HACD2: variants seen among roughly 807,000 people sequenced by gnomAD.
HACD2 encodes the protein very-long-chain (3R)-3-hydroxyacyl-CoA dehydratase 2.
HACD2 carries 15 observed loss-of-function variants against 31.0 expected under a neutral mutation model. That is an observed-to-expected ratio of 0.48 (90% CI 0.32 to 0.75). HACD2 has a LOEUF of 0.75. Ranked by LOEUF, HACD2 falls within the 30% of genes least tolerant of loss-of-function variation. The probability of loss-of-function intolerance (pLI) is 0.03; values close to 1 mark genes in which losing one functional copy is unlikely to be tolerated. For missense variants in HACD2, 283 were observed against 313.0 expected (o/e 0.90, Z 0.72); for synonymous variants, 115 against 122.2 (o/e 0.94, Z 0.39).
At chr3:123,557,798 T>C (rs756642825) in intron 3 of HACD2, among the ~76,000 whole-genome samples, 4 of 152,230 alleles carry the variant, frequency 2.6e-5, no homozygotes, top group African/African-American at 4.8e-5. Context: ...GCAGAGGATG[T>C]GGAATAAGAA....
At chr3:123,584,406 C>T (rs1413673897) in intron 1 of HACD2, 1 of 153,994 alleles carries the variant, frequency 6.5e-6, no homozygotes, top group Non-Finnish European at 1.4e-5. Context: ...CAATACCTTT[C>T]AGATTAAAGC....
intron 2 of HACD2, among the ~76,000 whole-genome samples, chr3:123,577,489 C>T (rs904089559): frequency 1.7e-4 from 26 of 151,852 alleles, no homozygotes; most frequent in African/African-American, 5.8e-4. Context: ...GGTGTGGTGG[C>T]GGGCGCCTGT....
chr3:123,569,194 A>G (rs2056826547), intron 2 of HACD2, among the ~76,000 whole-genome samples: 1 of 152,226 alleles, frequency 6.6e-6, no homozygotes, highest in African/African-American at 2.4e-5. Context: ...CAAATCTTAC[A>G]GTCTTTTTCA....
At chr3:123,507,815 T>C (rs2055997165) in intron 4 of HACD2, among the ~76,000 whole-genome samples, 1 of 152,180 alleles carries the variant, frequency 6.6e-6, no homozygotes, top group South Asian at 2.1e-4. Context: ...ATGGTGATGG[T>C]TGCACAGCTT....
intron 3 of HACD2, chr3:123,543,797 G>T: frequency 4.8e-6 from 1 of 208,984 alleles, no homozygotes. Flanking sequence ...AGAATATGGG[G>T]GATTTTTTTC....
At chr3:123,565,948 G>C (rs556012610) in intron 3 of HACD2, among the ~76,000 whole-genome samples, 24 of 152,322 alleles carry the variant, frequency 1.6e-4, no homozygotes, top group African/African-American at 5.1e-4. Flanking sequence ...GTGTCAGACT[G>C]ACCTGTCTCC....
intron 3 of HACD2, among the ~76,000 whole-genome samples, chr3:123,546,575 T>C (rs1305677969): frequency 6.6e-6 from 1 of 152,142 alleles, no homozygotes; most frequent in Non-Finnish European, 1.5e-5. Flanking sequence ...AGACGTCTTA[T>C]AACCATAAGA....
At chr3:123,546,656 G>C (rs1194953986) in intron 3 of HACD2, among the ~76,000 whole-genome samples, 1 of 152,094 alleles carries the variant, frequency 6.6e-6, no homozygotes, top group Non-Finnish European at 1.5e-5. Context: ...TGTTATATAG[G>C]AAAAATAAAT....
intron 3 of HACD2, among the ~76,000 whole-genome samples, chr3:123,559,236 C>A (rs1343884937): frequency 6.6e-6 from 1 of 152,166 alleles, no homozygotes; most frequent in African/African-American, 2.4e-5. Flanking sequence ...CTTACTAATA[C>A]AAGGGTGCCA....
rs1197256988 is a variant in HACD2, at chr3:123,500,627, A to G, written c.570T>C (p.Ala190=). Residue 190 remains alanine (A), a synonymous_variant, in exon 6 of 7, where the codon GCT becomes GCC. Transcript: ENST00000383657. ...VSGELLTIYA[A]LPFVRQAGLY... ...GGCCAGCTTGTCTGACAAAGGGCAG[A>G]GCTGCATATATTGTGAGCAGTTCTC... The G allele has an allele frequency of 6.8e-6, 11 of 1,613,402 alleles. No individual in the cohort carries two copies. Among genetic ancestry groups the G allele is most frequent in the Non-Finnish European group, 9.3e-6 (11 of 1,179,494 alleles).
In HACD2 at chr3:123,500,702, AAAC is replaced by A. The variant is rs1465888363; in HGVS notation, c.504-12_504-10del. On this transcript the variant is annotated splice_polypyrimidine_tract_variant and intron_variant, in intron 5 of 6. Coordinates refer to ENST00000383657, the MANE Select transcript of HACD2 (RefSeq NM_198402.5). ...CAATGAAAAGTGTGTACCTAAAACA[AAAC>A]AAAATATTCATTACTGAGGCTCAAA... is the stretch of plus-strand genomic sequence containing the variant. 2 of 1,580,350 alleles carry A rather than the reference AAAC, an allele frequency of 1.3e-6. No individual in the cohort carries two copies. The highest frequency in any genetic ancestry group is 2.7e-5 in the African/African-American group (2 of 73,410).
intron 3 of HACD2, among the ~76,000 whole-genome samples, chr3:123,533,792 T>C (rs1011223105): frequency 5.3e-5 from 8 of 152,228 alleles, no homozygotes; most frequent in Non-Finnish European, 8.8e-5. Context: ...ATGACTGATA[T>C]GTTTTAGCGT....
At chr3:123,496,116 T>C (rs1576722584) in intron 6 of HACD2, among the ~76,000 whole-genome samples, 1 of 152,322 alleles carries the variant, frequency 6.6e-6, no homozygotes, top group East Asian at 1.9e-4. Context: ...CTGGACCTCC[T>C]GGGCTCAGTC....
Position 123,500,407 on chromosome 3 carries a change from T to A in HACD2, c.682+108A>T, listed in dbSNP as rs1163762208. The A allele has an allele frequency of 5.5e-6, 4 of 729,720 alleles. No homozygotes were observed. The Admixed American group carries it at 1.4e-4, about 25-fold the overall frequency. 45.2% of individuals were successfully genotyped at this position (729,720 alleles called of 1,614,324 possible). The stretch of plus-strand genomic sequence containing the variant: ...ATAAAAACCAAGAATTCCCAATAAA[T>A]GAGATTTACATTTACTTGGATATAG... On this transcript the variant is annotated intron_variant, in intron 6 of 6. Coordinates refer to ENST00000383657, the MANE Select transcript of HACD2 (RefSeq NM_198402.5).
intron 4 of HACD2, among the ~76,000 whole-genome samples, chr3:123,508,829 G>A (rs969101650): frequency 2.0e-5 from 3 of 152,160 alleles, no homozygotes; most frequent in African/African-American, 7.2e-5. Flanking sequence ...CACAGTTATG[G>A]AGGCTGGAAG....
At chr3:123,539,385 C>T (rs1437262255) in intron 3 of HACD2, among the ~76,000 whole-genome samples, 1 of 152,022 alleles carries the variant, frequency 6.6e-6, no homozygotes, top group African/African-American at 2.4e-5. Context: ...GCCTGGCCAA[C>T]GTGGTGAAAC....
chr3:123,574,549 A>G (rs1459873207), intron 2 of HACD2, among the ~76,000 whole-genome samples: 1 of 152,136 alleles, frequency 6.6e-6, no homozygotes, highest in Non-Finnish European at 1.5e-5. Flanking sequence ...GTAAAACTCT[A>G]TTTCTCTTTA....
At chr3:123,514,594 T>C (rs1459878991) in intron 4 of HACD2, among the ~76,000 whole-genome samples, 1 of 152,056 alleles carries the variant, frequency 6.6e-6, no homozygotes, top group Non-Finnish European at 1.5e-5. Flanking sequence ...AGAAAACATA[T>C]CAACAAGCGT....
At chr3:123,510,649 C>A (rs1479711638) in intron 4 of HACD2, among the ~76,000 whole-genome samples, 1 of 152,176 alleles carries the variant, frequency 6.6e-6, no homozygotes, top group Non-Finnish European at 1.5e-5. Flanking sequence ...TACGTATATA[C>A]TACATTTTAT....
Sources: gnomAD v4.1 joint callset for allele counts (sites outside exome capture counted in the v4.1 genomes callset) on GRCh38, gnomAD v4.1.1 for gene constraint, MANE v1.5 for transcripts, NCBI Gene and HGNC (gene_info 2026-07-23, HGNC 2026-07-21) for gene names.